Variants in EFCAB6 observed in about 807,000 individuals in gnomAD.
EFCAB6 encodes EF-hand calcium-binding domain-containing protein 6.
A neutral mutation model predicts 169.8 loss-of-function variants in EFCAB6; 156 were observed. That is an observed-to-expected ratio of 0.92 (90% CI 0.81 to 1.05). The LOEUF is 1.05. EFCAB6 is among the 50% of genes least tolerant of loss of function. EFCAB6 has a pLI of 0.00. For synonymous variants in EFCAB6, 698 were observed against 676.4 expected (o/e 1.03, Z -0.50); for missense variants, 1,800 against 1,829.1 (o/e 0.98, Z 0.29).
intron 24 of EFCAB6, 85 bp from the exon 25 acceptor site, chr22:43,580,744 G>C: frequency 7.2e-7 from 1 of 1,388,930 alleles, no homozygotes; most frequent in Non-Finnish European, 9.9e-7. Flanking sequence ...GAGCACATTG[G>C]GCAATGTGGG....
intron 28 of EFCAB6, among the ~76,000 whole-genome samples, chr22:43,538,072 C>T (rs766641395): frequency 4.6e-5 from 7 of 152,174 alleles, no homozygotes; most frequent in East Asian, 1.9e-4. Context: ...CTGAAGTCCC[C>T]GTTGACAAGT....
intron 16 of EFCAB6, among the ~76,000 whole-genome samples, chr22:43,667,793 A>T (rs1306029141): frequency 2.0e-5 from 3 of 152,132 alleles, no homozygotes; most frequent in Non-Finnish European, 4.4e-5. Context: ...TAAAATACAA[A>T]TTGAATGTGC....
intron 24 of EFCAB6, among the ~76,000 whole-genome samples, chr22:43,584,910 G>A (rs2050958427): frequency 6.6e-6 from 1 of 152,152 alleles, no homozygotes; most frequent in Non-Finnish European, 1.5e-5. Context: ...GAAAACAGGA[G>A]AGGAAAAAAC....
chr22:43,611,329 C>T (rs1354773827), intron 21 of EFCAB6, among the ~76,000 whole-genome samples: 1 of 152,198 alleles, frequency 6.6e-6, no homozygotes, highest in Non-Finnish European at 1.5e-5. Flanking sequence ...TTACAAAACA[C>T]TGCTCAAAGA....
At position 43,590,238 on chromosome 22, in the gene EFCAB6, G is replaced by C; in HGVS notation, c.2877-9C>G. The C allele has an allele frequency of 6.2e-7, 1 of 1,612,308 alleles. No individual in the cohort carries two copies. The highest frequency in any genetic ancestry group is 1.7e-4 in the Middle Eastern group (1 of 6,052). On this transcript the variant is annotated splice_polypyrimidine_tract_variant and intron_variant, in intron 23 of 31. Transcript: ENST00000262726. Reference sequence around the variant, plus strand: ...GGTCCATAAGCTTATCCCTGAAAGAGAGTACATTGCAGACATACCCTAAAA... The same window carrying C: ...GGTCCATAAGCTTATCCCTGAAAGACAGTACATTGCAGACATACCCTAAAA...
chr22:43,567,807 C>T (rs901252599), intron 26 of EFCAB6, among the ~76,000 whole-genome samples: 5 of 152,126 alleles, frequency 3.3e-5, no homozygotes, highest in African/African-American at 4.8e-5. Context: ...CATCACCATG[C>T]GAGGCAGCCA....
chr22:43,611,016 G>A (rs1602594985), intron 21 of EFCAB6, among the ~76,000 whole-genome samples: 1 of 152,190 alleles, frequency 6.6e-6, no homozygotes, highest in East Asian at 1.9e-4. Flanking sequence ...AGGAACTTAT[G>A]TCAGAAAGAT....
At chr22:43,562,519 G>T (rs957138171) in intron 26 of EFCAB6, among the ~76,000 whole-genome samples, 1 of 148,258 alleles carries the variant, frequency 6.7e-6, no homozygotes, top group Non-Finnish European at 1.5e-5. Context: ...GGGTGGGAGG[G>T]AGGCAGCCCG....
At chr22:43,740,910 G>C (rs2060345237) in intron 6 of EFCAB6, among the ~76,000 whole-genome samples, 1 of 152,144 alleles carries the variant, frequency 6.6e-6, no homozygotes, top group South Asian at 2.1e-4. Context: ...TAAAACCCCA[G>C]AGCAACCCAT....
intron 17 of EFCAB6, among the ~76,000 whole-genome samples, chr22:43,665,242 G>A (rs1388746558): frequency 1.3e-5 from 2 of 152,118 alleles, no homozygotes; most frequent in East Asian, 1.9e-4. Flanking sequence ...CTCAGGAGAC[G>A]CTGGTTTATC....
intron 10 of EFCAB6, among the ~76,000 whole-genome samples, chr22:43,695,962 G>A (rs371039798): frequency 6.6e-6 from 1 of 152,048 alleles, no homozygotes; most frequent in Admixed American, 6.5e-5. Context: ...TTTTGTAAAT[G>A]GACTGTCTCA....
At chr22:43,603,851 G>C (rs1319470339) in intron 22 of EFCAB6, among the ~76,000 whole-genome samples, 2 of 152,220 alleles carry the variant, frequency 1.3e-5, no homozygotes. Flanking sequence ...TTGGATTTGT[G>C]TCCCCACCCA....
intron 3 of EFCAB6, among the ~76,000 whole-genome samples, chr22:43,776,988 TA>T (rs2061661556): frequency 1.3e-5 from 2 of 152,120 alleles, no homozygotes; most frequent in Admixed American, 1.3e-4. Context: ...GTCTAGGAGG[TA>T]ACTGTGGCTT....
At chr22:43,611,833 C>A (rs977304140) in intron 21 of EFCAB6, among the ~76,000 whole-genome samples, 1 of 151,948 alleles carries the variant, frequency 6.6e-6, no homozygotes, top group Non-Finnish European at 1.5e-5. Flanking sequence ...TCATATGGAA[C>A]CAAAAAGAGT....
intron 26 of EFCAB6, among the ~76,000 whole-genome samples, chr22:43,560,899 G>A (rs1336502697): frequency 1.3e-5 from 2 of 152,192 alleles, no homozygotes; most frequent in South Asian, 2.1e-4. Context: ...GGCAGGGGAC[G>A]GACACAGGTG....
intron 12 of EFCAB6, among the ~76,000 whole-genome samples, chr22:43,682,913 C>T (rs761209847): frequency 2.6e-5 from 4 of 152,304 alleles, no homozygotes; most frequent in Non-Finnish European, 5.9e-5. Context: ...CATTCTAGTG[C>T]GGCAGAGGCA....
intron 2 of EFCAB6, among the ~76,000 whole-genome samples, chr22:43,803,156 C>T (rs2062791078): frequency 6.6e-6 from 1 of 152,166 alleles, no homozygotes; most frequent in African/African-American, 2.4e-5. Flanking sequence ...CTGTTGGGAC[C>T]TGACCCTCAA....
chr22:43,542,419 A>G (rs1441606857), intron 27 of EFCAB6, among the ~76,000 whole-genome samples: 1 of 152,154 alleles, frequency 6.6e-6, no homozygotes, highest in Non-Finnish European at 1.5e-5. Flanking sequence ...ATCTCTACTG[A>G]AAATACAAAA....
At chr22:43,742,002 G>A (rs1333228150) in intron 6 of EFCAB6, among the ~76,000 whole-genome samples, 1 of 151,876 alleles carries the variant, frequency 6.6e-6, no homozygotes, top group Non-Finnish European at 1.5e-5. Context: ...CCGCTGAACC[G>A]GTAACAAAAG....
Sources: gnomAD v4.1 joint callset for allele counts (sites outside exome capture counted in the v4.1 genomes callset) on GRCh38, gnomAD v4.1.1 for gene constraint, MANE v1.5 for transcripts, NCBI Gene and HGNC (gene_info 2026-07-23, HGNC 2026-07-21) for gene names.